FMNL2: variants seen among roughly 807,000 people sequenced by gnomAD.
FMNL2 encodes formin-like protein 2.
In FMNL2, 51 loss-of-function variants were observed where a neutral mutation model predicts 130.2. The ratio of observed to expected loss-of-function variants is 0.39; its 90% CI spans 0.31 to 0.49. The LOEUF is 0.49. Ranked by LOEUF, FMNL2 falls within the 20% of genes least tolerant of loss-of-function variation. The pLI is 0.85. For synonymous variants in FMNL2, 465 were observed against 467.1 expected, an observed-to-expected ratio of 1.00 and a Z score of 0.06; for missense variants, 977 against 1,316.2, an observed-to-expected ratio of 0.74 and a Z score of 3.99.
chr2:152,600,149 A>G (rs1697974391), intron 9 of FMNL2, among the ~76,000 whole-genome samples: 1 of 152,244 alleles, frequency 6.6e-6, no homozygotes, highest in Non-Finnish European at 1.5e-5. Context: ...AAAAGAAAAC[A>G]GAACTTTTGT....
At position 152,619,045 on chromosome 2, in the gene FMNL2, G is replaced by T; in HGVS notation, c.1514G>T (p.Gly505Val). 2 of 1,613,980 alleles carry T rather than the reference G, an allele frequency of 1.2e-6. No homozygotes were observed. The highest frequency in any genetic ancestry group is 1.6e-4 in the Middle Eastern group (1 of 6,062). Residue 505 changes from glycine (G) to valine (V), a missense_variant, in exon 14 of 26, where the codon GGG becomes GTG. Physicochemically the swap from Gly to Val is moderately radical, Grantham distance 109. This residue lies in a region of FMNL2 where 689 missense variants were observed against 995.9 expected (regional missense o/e 0.69). Transcript: ENST00000288670. ...GTGGCTTCTGGCACATTGTCCATGGGGTCAGAAGTGGTAGCAGGTAACTCT... is the reference window on the plus strand; with the variant it reads ...GTGGCTTCTGGCACATTGTCCATGGTGTCAGAAGTGGTAGCAGGTAACTCT... ...PVVASGTLSM[G>V]SEVVAGNSVG...
At chr2:152,613,613 A>AT (rs1187853045) in intron 11 of FMNL2, among the ~76,000 whole-genome samples, 4 of 152,194 alleles carry the variant, frequency 2.6e-5, no homozygotes, top group African/African-American at 9.6e-5. Flanking sequence ...AAAATGTAAG[A>AT]TTTTTTGTCA....
chr2:152,358,100 CGA>C (rs1228461080), intron 1 of FMNL2, among the ~76,000 whole-genome samples: 3 of 152,122 alleles, frequency 2.0e-5, no homozygotes, highest in Non-Finnish European at 4.4e-5. Flanking sequence ...CTGAGTCTGC[CGA>C]GTCTGCCAGC....
chr2:152,384,690 G>C (rs141601546), intron 1 of FMNL2, among the ~76,000 whole-genome samples: 5 of 152,280 alleles, frequency 3.3e-5, no homozygotes, highest in African/African-American at 1.2e-4. Context: ...CCTTCATCCT[G>C]GGGCATCTTG....
chr2:152,643,346 A>C, intron 25 of FMNL2: 1 of 1,528,434 alleles, frequency 6.5e-7, no homozygotes, highest in East Asian at 2.5e-5. Context: ...TGCACTAACC[A>C]TGTACTAATG....
intron 11 of FMNL2, among the ~76,000 whole-genome samples, chr2:152,614,144 T>C (rs1406853216): frequency 1.3e-5 from 2 of 152,220 alleles, no homozygotes; most frequent in East Asian, 1.9e-4. Flanking sequence ...CCAGGTAAGA[T>C]ACCAAACACT....
At chr2:152,375,877 C>CTCTCTCTATATATATATATATATATATA (rs796954245) in intron 1 of FMNL2, among the ~76,000 whole-genome samples, 12 of 112,478 alleles carry the variant, frequency 1.1e-4, no homozygotes, top group Non-Finnish European at 1.7e-4. Context: ...CTCTCTCTCT[C>CTCTCTCTATATATATATATATATATATA]TATATATATA....
chr2:152,391,759 A>T (rs1237872511), intron 1 of FMNL2, among the ~76,000 whole-genome samples: 1 of 147,912 alleles, frequency 6.8e-6, no homozygotes, highest in East Asian at 1.9e-4. Context: ...CATTAATAAT[A>T]ATGTTGCTCT....
At chr2:152,608,209 T>C (rs2105850954) in intron 10 of FMNL2, among the ~76,000 whole-genome samples, 1 of 152,190 alleles carries the variant, frequency 6.6e-6, no homozygotes. Context: ...GGCTGTAATT[T>C]CCCAGATCAC....
chr2:152,474,627 A>C (rs1211514068), intron 1 of FMNL2, among the ~76,000 whole-genome samples: 3 of 152,146 alleles, frequency 2.0e-5, no homozygotes, highest in Non-Finnish European at 2.9e-5. Flanking sequence ...TAGAGTTTGC[A>C]GTGAGCTGAG....
chr2:152,398,946 T>C (rs1181773148), intron 1 of FMNL2, among the ~76,000 whole-genome samples: 1 of 152,214 alleles, frequency 6.6e-6, no homozygotes, highest in Non-Finnish European at 1.5e-5. Flanking sequence ...TCATTTGAGC[T>C]GGGCATAGAA....
intron 1 of FMNL2, among the ~76,000 whole-genome samples, chr2:152,435,308 T>G (rs1687693276): frequency 6.6e-6 from 1 of 152,112 alleles, no homozygotes; most frequent in Non-Finnish European, 1.5e-5. Context: ...ATAGCAAAAC[T>G]CTGTCTTTCC....
chr2:152,616,927 A>G (rs1559012310), intron 12 of FMNL2, among the ~76,000 whole-genome samples, 164 bp from the exon 13 acceptor site: 1 of 152,232 alleles, frequency 6.6e-6, no homozygotes, highest in Non-Finnish European at 1.5e-5. Flanking sequence ...AGAAGCAAAT[A>G]TGTATTCAGA....
chr2:152,376,317 T>G (rs1162820214), intron 1 of FMNL2, among the ~76,000 whole-genome samples: 1 of 152,256 alleles, frequency 6.6e-6, no homozygotes, highest in Admixed American at 6.5e-5. Flanking sequence ...GCTGTGAGCA[T>G]TCTTATACAC....
At chr2:152,408,894 G>GT (rs951660551) in intron 1 of FMNL2, among the ~76,000 whole-genome samples, 4 of 152,296 alleles carry the variant, frequency 2.6e-5, no homozygotes, top group South Asian at 4.1e-4. Flanking sequence ...TTGGAAAATT[G>GT]TAAGTCAGGG....
intron 25 of FMNL2, chr2:152,643,278 T>C (rs1683252263): frequency 1.8e-6 from 2 of 1,139,198 alleles, no homozygotes; most frequent in Non-Finnish European, 2.5e-6. Flanking sequence ...TGAGTATATA[T>C]TGCCTTCCCC....
chr2:152,637,626 A>C lies in FMNL2; in HGVS notation c.2898A>C (p.Pro966=), dbSNP rs1262999148. The C allele has an allele frequency of 6.2e-7, 1 of 1,613,830 alleles. No homozygotes were observed. The highest frequency in any genetic ancestry group is 8.5e-7 in the Non-Finnish European group (1 of 1,179,884). ...KYFGENPKTT[P]PSVFFPVFVR... is the part of the protein sequence containing the mutation. ...TTGGAGAAAACCCCAAGACAACACC[A>C]CCCTCTGTCTTCTTTCCTGTCTTTG... Residue 966 remains proline (P), a synonymous_variant, in exon 23 of 26, where the codon CCA becomes CCC. Transcript: ENST00000288670.
chr2:152,547,201 T>C (rs2678305), intron 3 of FMNL2, among the ~76,000 whole-genome samples: 43,151 of 151,914 alleles, frequency 0.28, 6,727 homozygotes, highest in African/African-American at 0.4. Context: ...CCTTGGCCTC[T>C]CAAAGTGCTG....
At chr2:152,461,200 G>A (rs896605229) in intron 1 of FMNL2, among the ~76,000 whole-genome samples, 16 of 152,188 alleles carry the variant, frequency 1.1e-4, no homozygotes, top group South Asian at 2.1e-4. Flanking sequence ...CACGTTAGGA[G>A]ATAAGAAAGA....
Sources: gnomAD v4.1 joint callset for allele counts (sites outside exome capture counted in the v4.1 genomes callset) on GRCh38, gnomAD v4.1.1 for gene constraint, gnomAD v4.1.1 regional missense constraint, MANE v1.5 for transcripts, NCBI Gene and HGNC (gene_info 2026-07-23, HGNC 2026-07-21) for gene names.